The following DTWD2 variants were observed in gnomAD, a reference collection of about 807,000 sequenced individuals.
DTWD2 encodes the protein tRNA-uridine aminocarboxypropyltransferase 2.
DTWD2 carries 39 observed loss-of-function variants against 31.8 expected under a neutral mutation model. The observed-to-expected ratio is 1.22, with a 90% CI of 0.95 to 1.60. The LOEUF (loss-of-function observed/expected upper bound fraction) is 1.60, where lower values mean the gene tolerates loss of function less well. DTWD2 is among the 40% of genes most tolerant of loss of function. DTWD2 has a pLI of 0.00. For missense variants in DTWD2, 515 were observed against 381.5 expected (o/e 1.35, Z -2.92); for synonymous variants, 180 against 142.8 (o/e 1.26, Z -1.86).
At chr5:118,971,344 G>A (rs928393395) in intron 1 of DTWD2, among the ~76,000 whole-genome samples, 5 of 152,126 alleles carry the variant, frequency 3.3e-5, no homozygotes, top group Non-Finnish European at 5.9e-5. Context: ...TCTAGTTTCT[G>A]ACAAAACAGA....
At chr5:118,983,167 C>G (rs1360137340) in intron 1 of DTWD2, among the ~76,000 whole-genome samples, 1 of 152,054 alleles carries the variant, frequency 6.6e-6, no homozygotes, top group Non-Finnish European at 1.5e-5. Context: ...ACATAAATGC[C>G]TATAGGGGGC....
At chr5:118,977,575 C>G (rs999047733) in intron 1 of DTWD2, among the ~76,000 whole-genome samples, 16 of 152,158 alleles carry the variant, frequency 1.1e-4, no homozygotes, top group Non-Finnish European at 1.9e-4. Flanking sequence ...CATGAATGAA[C>G]TCCCATTCGC....
At chr5:118,906,760 T>C (rs1043212767) in intron 4 of DTWD2, among the ~76,000 whole-genome samples, 5 of 152,194 alleles carry the variant, frequency 3.3e-5, no homozygotes, top group Non-Finnish European at 5.9e-5. Context: ...ATCTTCATTA[T>C]CTTGATTGCA....
chr5:118,868,406 T>G (rs1382710791), intron 4 of DTWD2, among the ~76,000 whole-genome samples: 1 of 151,996 alleles, frequency 6.6e-6, no homozygotes, highest in Non-Finnish European at 1.5e-5. Flanking sequence ...AACAAAAAAA[T>G]AGATAAATTA....
At chr5:118,958,996 T>G (rs1383778208) in intron 1 of DTWD2, among the ~76,000 whole-genome samples, 1 of 152,198 alleles carries the variant, frequency 6.6e-6, no homozygotes, top group Non-Finnish European at 1.5e-5. Flanking sequence ...AACATCATAC[T>G]GAACGGGCAA....
intron 1 of DTWD2, among the ~76,000 whole-genome samples, chr5:118,982,602 A>T (rs1466716540): frequency 6.6e-6 from 1 of 152,138 alleles, no homozygotes; most frequent in Non-Finnish European, 1.5e-5. Context: ...ATATACAAAA[A>T]TTAAACTTCA....
At chr5:118,851,342 A>T (rs905795477) in intron 4 of DTWD2, among the ~76,000 whole-genome samples, 1 of 152,054 alleles carries the variant, frequency 6.6e-6, no homozygotes, top group Non-Finnish European at 1.5e-5. Flanking sequence ...GAAAGAGTAC[A>T]AAGAGAGGAA....
chr5:118,928,371 C>G (rs1376024535), intron 4 of DTWD2, among the ~76,000 whole-genome samples, 166 bp downstream of exon 4: 2 of 151,778 alleles, frequency 1.3e-5, no homozygotes, highest in Admixed American at 1.3e-4. Context: ...CATATATATT[C>G]AAACTCATAA....
intron 3 of DTWD2, among the ~76,000 whole-genome samples, chr5:118,930,482 A>G (rs1248965241): frequency 6.6e-6 from 1 of 152,112 alleles, no homozygotes; most frequent in African/African-American, 2.4e-5. Context: ...AAAATTAACA[A>G]CTTTTCTTAG....
intron 1 of DTWD2, among the ~76,000 whole-genome samples, chr5:118,944,952 C>T (rs570971298): frequency 6.6e-6 from 1 of 152,282 alleles, no homozygotes; most frequent in East Asian, 1.9e-4. Context: ...CAAAACATGA[C>T]ACTTCTGATT....
chr5:118,926,828 A>C (rs1470186275), intron 4 of DTWD2, among the ~76,000 whole-genome samples: 1 of 152,002 alleles, frequency 6.6e-6, no homozygotes, highest in African/African-American at 2.4e-5. Flanking sequence ...CCTCAGCCTC[A>C]CAAGTAGCTG....
At chr5:118,919,097 A>G (rs1001332906) in intron 4 of DTWD2, among the ~76,000 whole-genome samples, 4 of 152,248 alleles carry the variant, frequency 2.6e-5, no homozygotes, top group Non-Finnish European at 4.4e-5. Flanking sequence ...TTATCCTGAC[A>G]GGAAACACGG....
intron 2 of DTWD2, among the ~76,000 whole-genome samples, chr5:118,940,163 T>A (rs1401470510): frequency 6.6e-6 from 1 of 152,200 alleles, no homozygotes. Flanking sequence ...TTGACTGTCG[T>A]CAGTGGTTTC....
chr5:118,856,763 ACT>A (rs1752143411), intron 4 of DTWD2, among the ~76,000 whole-genome samples: 1 of 71,076 alleles, frequency 1.4e-5, no homozygotes, highest in Non-Finnish European at 2.9e-5. Context: ...ATTGAGGCTT[ACT>A]TTTTTTTTTT....
At chr5:118,971,098 C>G (rs150310539) in intron 1 of DTWD2, among the ~76,000 whole-genome samples, 2,178 of 152,270 alleles carry the variant, frequency 0.014, 57 homozygotes, top group African/African-American at 0.047. Context: ...AAATAACCAG[C>G]TAGCTTCATG....
chr5:118,921,019 C>T (rs934064525), intron 4 of DTWD2, among the ~76,000 whole-genome samples: 6 of 152,142 alleles, frequency 3.9e-5, no homozygotes, highest in African/African-American at 1.4e-4. Flanking sequence ...TATCCTTTTG[C>T]ATATAGGAAG....
At chr5:118,898,859 G>C (rs939473047) in intron 4 of DTWD2, among the ~76,000 whole-genome samples, 4 of 152,122 alleles carry the variant, frequency 2.6e-5, no homozygotes, top group Non-Finnish European at 5.9e-5. Flanking sequence ...TAGCCTACTT[G>C]CACACTTGAT....
intron 2 of DTWD2, among the ~76,000 whole-genome samples, chr5:118,944,296 T>G (rs1754276882): frequency 6.6e-6 from 1 of 152,246 alleles, no homozygotes; most frequent in Admixed American, 6.5e-5. Flanking sequence ...TCATTTTTTC[T>G]TCATACAAAA....
intron 4 of DTWD2, among the ~76,000 whole-genome samples, chr5:118,911,615 C>T (rs115186507): frequency 0.026 from 3,919 of 152,056 alleles, 135 homozygotes; most frequent in African/African-American, 0.076. Context: ...AAATATCCTT[C>T]AATGGAAGAA....
Sources: allele counts gnomAD v4.1 joint callset (sites outside exome capture counted in the v4.1 genomes callset), GRCh38; gene constraint gnomAD v4.1.1; transcripts MANE v1.5; gene names NCBI Gene and HGNC (gene_info 2026-07-23, HGNC 2026-07-21).